Variants in AFAP1L2 observed in about 807,000 individuals in gnomAD.
AFAP1L2 encodes the protein actin filament associated protein 1 like 2.
Under a neutral mutation model 99.3 loss-of-function variants are expected in AFAP1L2, and 46 were observed. The observed-to-expected ratio is 0.46, with a 90% CI of 0.37 to 0.59. The LOEUF is 0.59. AFAP1L2 is among the 20% of genes least tolerant of loss of function. The pLI is 0.00. For synonymous variants in AFAP1L2, 397 were observed against 419.1 expected, an observed-to-expected ratio of 0.95 and a Z score of 0.64; for missense variants, 959 against 1,034.9, an observed-to-expected ratio of 0.93 and a Z score of 1.01.
intron 1 of AFAP1L2, 23 bp downstream of exon 1, chr10:114,404,417 G>C (rs2058532179): frequency 6.5e-7 from 1 of 1,541,008 alleles, no homozygotes. Context: ...GGTGTGCGCC[G>C]CGCGAGGAAC....
At chr10:114,325,042 C>G (rs564789183) in intron 4 of AFAP1L2, among the ~76,000 whole-genome samples, 10 of 152,248 alleles carry the variant, frequency 6.6e-5, no homozygotes, top group African/African-American at 2.4e-4. Context: ...AGAGCCCAGT[C>G]CTGTGTGGTT....
chr10:114,372,922 T>A (rs7896823), intron 1 of AFAP1L2, among the ~76,000 whole-genome samples: 1 of 152,306 alleles, frequency 6.6e-6, no homozygotes, highest in Non-Finnish European at 1.5e-5. Flanking sequence ...CACTTGCTAA[T>A]GTGCCTTGGA....
At chr10:114,315,828 G>T in intron 5 of AFAP1L2, 63 bp from the exon 6 acceptor site, 1 of 1,486,354 alleles carries the variant, frequency 6.7e-7, no homozygotes, top group South Asian at 1.2e-5. Context: ...AAGCAGCATC[G>T]CTGGGGAGGG....
intron 4 of AFAP1L2, 70 bp from the exon 5 acceptor site, chr10:114,323,331 T>A: frequency 7.2e-7 from 1 of 1,396,966 alleles, no homozygotes; most frequent in Non-Finnish European, 9.9e-7. Context: ...AAATAACTCT[T>A]CGGGTGGAAG....
chr10:114,299,020 C>T (rs866518816), intron 16 of AFAP1L2, among the ~76,000 whole-genome samples: 48 of 152,208 alleles, frequency 3.2e-4, no homozygotes, highest in African/African-American at 5.1e-4. Context: ...CTAGCTTTTA[C>T]GATGACCTGC....
In AFAP1L2 at chr10:114,377,423, C is replaced by T. The variant is rs2054947780; in HGVS notation, c.16+27017G>A. Reference sequence around the variant, plus strand: ...TGAGGTGCTTCTTGGAAAGAAGTCACCACTGTACCCATCAAGTTGTGGTGG... The same window carrying T: ...TGAGGTGCTTCTTGGAAAGAAGTCATCACTGTACCCATCAAGTTGTGGTGG... On this transcript the variant is annotated intron_variant, in intron 1 of 18. Transcript: ENST00000304129. The surrounding 1 kb of genome is among the most constrained non-coding windows in gnomAD (Gnocchi z 4.0). 6.6e-6 allele frequency among the ~76,000 whole-genome samples: 1 copy of T among 152,166 alleles called. No individual in the cohort carries two copies. Among genetic ancestry groups the T allele is most frequent in the African/African-American group, 2.4e-5 (1 of 41,436 alleles).
chr10:114,317,807 T>C (rs2044376089), intron 5 of AFAP1L2, among the ~76,000 whole-genome samples: 1 of 152,092 alleles, frequency 6.6e-6, no homozygotes, highest in Non-Finnish European at 1.5e-5. Context: ...TACAATGAAC[T>C]GAGATCGTGC....
Position 114,297,418 on chromosome 10 carries a change from A to G in AFAP1L2, c.2114-5T>C. The G allele has an allele frequency of 1.9e-6, 3 of 1,611,084 alleles. No individual in the cohort carries two copies. The highest frequency in any genetic ancestry group is 1.7e-6 in the Non-Finnish European group (2 of 1,179,572). On this transcript the variant is annotated splice_polypyrimidine_tract_variant and splice_region_variant and intron_variant, in intron 16 of 18. Transcript: ENST00000304129. ...GGCTCGCCAGGACTTCCTTGTCTGG[A>G]GAGAGAATTATGCAGGTGTCAGAGA...
At chr10:114,332,528 T>A (rs913519096) in intron 3 of AFAP1L2, among the ~76,000 whole-genome samples, 1 of 152,202 alleles carries the variant, frequency 6.6e-6, no homozygotes, top group Non-Finnish European at 1.5e-5. Flanking sequence ...CAGGACTGAG[T>A]GCTTTGCCAT....
In AFAP1L2 at chr10:114,294,837, A is replaced by T; in HGVS notation, c.*1205T>A. 1 of 946,130 alleles carries T rather than the reference A, an allele frequency of 1.1e-6. No homozygotes were observed. 58.6% of individuals were successfully genotyped at this position (946,130 alleles called of 1,614,324 possible). On this transcript the variant is annotated 3_prime_UTR_variant, in exon 19 of 19. Transcript: ENST00000304129. ...ACTGAGGAAAACTTCAAATACAATG[A>T]ACATTTTATTTTAAAAAACCTAACT...
At chr10:114,308,390 C>G in intron 9 of AFAP1L2, 43 bp downstream of exon 9, 1 of 1,566,034 alleles carries the variant, frequency 6.4e-7, no homozygotes, top group Non-Finnish European at 8.8e-7. Flanking sequence ...AGCCCAGCCT[C>G]ACAGCCTGGG....
At chr10:114,336,720 G>A (rs1348128637) in intron 2 of AFAP1L2, among the ~76,000 whole-genome samples, 1 of 151,896 alleles carries the variant, frequency 6.6e-6, no homozygotes, top group Middle Eastern at 3.4e-3. Flanking sequence ...TGAGGCAGGA[G>A]TGGGGGCTGG....
In AFAP1L2 at chr10:114,299,215, C is replaced by T. The variant is rs768837759; in HGVS notation, c.2113+45G>A. The T allele has an allele frequency of 2.4e-5, 39 of 1,607,958 alleles. No individual in the cohort carries two copies. In the Middle Eastern group the frequency reaches 8.4e-4, roughly 35 times the overall value. On this transcript the variant is annotated intron_variant, in intron 16 of 18. Coordinates refer to ENST00000304129, the MANE Select transcript of AFAP1L2 (RefSeq NM_001001936.3). ...CTTCCGCCAAAAAGTTAAGCCTACA[C>T]GGCCCTCTGAGCTGAGGGTCCCTCC...
intron 10 of AFAP1L2, 63 bp from the exon 11 acceptor site, chr10:114,304,993 GGGGGC>G: frequency 7.3e-7 from 1 of 1,362,762 alleles, no homozygotes; most frequent in South Asian, 1.3e-5. Context: ...AGATGCAGGA[GGGGGC>G]GGGGCTTCGG....
At chr10:114,369,584 G>C (rs2053813948) in intron 1 of AFAP1L2, among the ~76,000 whole-genome samples, 1 of 120,520 alleles carries the variant, frequency 8.3e-6, no homozygotes, top group Non-Finnish European at 1.6e-5. Flanking sequence ...CACAGAGCGA[G>C]ACTCCGACTC....
chr10:114,370,786 G>A (rs2053985305), intron 1 of AFAP1L2, among the ~76,000 whole-genome samples: 1 of 152,142 alleles, frequency 6.6e-6, no homozygotes. Context: ...CCCCGCTTCT[G>A]TATCTTGCCA....
At position 114,384,392 on chromosome 10, in the gene AFAP1L2, C is replaced by A. The variant is rs150637123; in HGVS notation, c.16+20048G>T. Among the ~76,000 whole-genome samples, 806 of 151,990 alleles carry A rather than the reference C, an allele frequency of 5.3e-3. 7 individuals carry two copies. Among genetic ancestry groups the A allele is most frequent in the African/African-American group, 0.019 (773 of 41,402 alleles). ...CTGCTGCAGGCTCTCTGAGAAGGGCCATTGTTCCCCCCACACTTGTCCAAA... is the reference window on the plus strand; with the variant it reads ...CTGCTGCAGGCTCTCTGAGAAGGGCAATTGTTCCCCCCACACTTGTCCAAA... On this transcript the variant is annotated intron_variant, in intron 1 of 18. Transcript: ENST00000304129.
chr10:114,294,438 G>A (rs1380396141), downstream of AFAP1L2, among the ~76,000 whole-genome samples: 1 of 152,038 alleles, frequency 6.6e-6, no homozygotes, highest in African/African-American at 2.4e-5. Flanking sequence ...TCTCTTTAAT[G>A]AACCCGATTT....
At chr10:114,333,129 G>A (rs920894476) in intron 3 of AFAP1L2, 92 bp downstream of exon 3, 18 of 1,190,516 alleles carry the variant, frequency 1.5e-5, no homozygotes, top group Admixed American at 3.9e-5. Context: ...TGTGCCGGCT[G>A]GGAGGAAAGA....
Sources: allele counts gnomAD v4.1 joint callset (sites outside exome capture counted in the v4.1 genomes callset), GRCh38; gene constraint gnomAD v4.1.1; non-coding constraint Gnocchi (gnomAD v3.1); transcripts MANE v1.5; gene names NCBI Gene and HGNC (gene_info 2026-07-23, HGNC 2026-07-21).